Variants in CFAP44 observed in about 807,000 individuals in gnomAD.
The protein encoded by CFAP44 is cilia- and flagella-associated protein 44.
In CFAP44, 134 loss-of-function variants were observed where a neutral mutation model predicts 216.2. That is an observed-to-expected ratio of 0.62 (90% CI 0.54 to 0.72). The LOEUF (loss-of-function observed/expected upper bound fraction) is 0.72. CFAP44 is among the 30% of genes least tolerant of loss of function. The probability of loss-of-function intolerance (pLI) is 0.00; values close to 1 mark genes in which losing one functional copy is unlikely to be tolerated. For synonymous variants in CFAP44, 700 were observed against 727.6 expected, an observed-to-expected ratio of 0.96 and a Z score of 0.61; for missense variants, 2,035 against 2,182.1, an observed-to-expected ratio of 0.93 and a Z score of 1.34.
intron 28 of CFAP44, among the ~76,000 whole-genome samples, chr3:113,325,071 A>C (rs1435025897): frequency 6.6e-6 from 1 of 152,094 alleles, no homozygotes; most frequent in Non-Finnish European, 1.5e-5. Flanking sequence ...TGGGAGGCTG[A>C]AGTGGGCAGA....
intron 5 of CFAP44, 71 bp downstream of exon 5, chr3:113,419,946 T>C: frequency 6.6e-7 from 1 of 1,517,862 alleles, no homozygotes; most frequent in South Asian, 1.3e-5. Flanking sequence ...AACAACCATG[T>C]TGGCTGGTCC....
At chr3:113,359,399 T>C (rs750670295) in intron 21 of CFAP44, among the ~76,000 whole-genome samples, 2 of 152,204 alleles carry the variant, frequency 1.3e-5, no homozygotes, top group Non-Finnish European at 2.9e-5. Flanking sequence ...TGGAAAAATA[T>C]CAGAGCCAAT....
At chr3:113,306,562 G>A (rs1949987638) in intron 29 of CFAP44, among the ~76,000 whole-genome samples, 1 of 152,124 alleles carries the variant, frequency 6.6e-6, no homozygotes, top group Admixed American at 6.5e-5. Flanking sequence ...AGCAGGCTTT[G>A]TGCTAAGCCC....
chr3:113,310,189 T>C (rs1950024913), intron 28 of CFAP44, among the ~76,000 whole-genome samples: 1 of 152,052 alleles, frequency 6.6e-6, no homozygotes, highest in Admixed American at 6.5e-5. Flanking sequence ...CCAAGATGCC[T>C]GTGGAGGCCA....
intron 3 of CFAP44, chr3:113,426,973 A>T (rs1243388040): frequency 1.9e-6 from 1 of 514,594 alleles, no homozygotes; most frequent in Non-Finnish European, 3.3e-6. Flanking sequence ...CAGAAGAATG[A>T]GTATCAGAGT....
At chr3:113,296,988 T>G (rs1576534057) in intron 32 of CFAP44, 103 bp from the exon 33 acceptor site, 1 of 1,336,168 alleles carries the variant, frequency 7.5e-7, no homozygotes, top group East Asian at 2.5e-5. Context: ...TGCAAGATGA[T>G]GAAAGATTTT....
chr3:113,291,812 A>G (rs1485513128), intron 34 of CFAP44, 64 bp from the exon 35 acceptor site: 6 of 1,503,934 alleles, frequency 4.0e-6, no homozygotes, highest in Middle Eastern at 4.7e-4. Context: ...CCATGCCCTT[A>G]TACTGTGTAT....
chr3:113,333,935 T>C (rs1378930686), intron 24 of CFAP44, among the ~76,000 whole-genome samples: 1 of 152,076 alleles, frequency 6.6e-6, no homozygotes, highest in Non-Finnish European at 1.5e-5. Flanking sequence ...GGTTTTTTAA[T>C]GACTAAAAAG....
At chr3:113,305,346 T>C (rs954414352) in intron 30 of CFAP44, among the ~76,000 whole-genome samples, 194 bp from the exon 31 acceptor site, 11 of 152,242 alleles carry the variant, frequency 7.2e-5, no homozygotes, top group Admixed American at 2.0e-4. Flanking sequence ...ATGATCCACA[T>C]CACTCTTCAG....
intron 15 of CFAP44, among the ~76,000 whole-genome samples, chr3:113,384,196 CT>C (rs1443896998): frequency 6.6e-6 from 1 of 151,972 alleles, no homozygotes; most frequent in East Asian, 1.9e-4. Flanking sequence ...GTAGGTGGGA[CT>C]GCAGGTGCCC....
At chr3:113,414,846 G>A (rs2107383546) in intron 6 of CFAP44, among the ~76,000 whole-genome samples, 1 of 152,236 alleles carries the variant, frequency 6.6e-6, no homozygotes, top group Middle Eastern at 3.4e-3. Flanking sequence ...TCTCTTTCCG[G>A]TTTTGGTATC....
In CFAP44 at chr3:113,404,109, T is replaced by C. The variant is rs557037290; in HGVS notation, c.1006-93A>G. 2.8e-4 allele frequency: 376 copies of C among 1,344,726 alleles called. 2 individuals carry two copies. The highest frequency in any genetic ancestry group is 5.8e-4 in the Middle Eastern group (3 of 5,144). The allele number at this position is 1,344,726 out of a possible 1,614,324, so 83.3% of individuals were successfully genotyped here. A position where few individuals can be genotyped will look rare whatever the true frequency, so the allele number is the denominator to read the frequency against. ...AGTAGGTGAAAATTATTTTTTAAGG[T>C]TATCTTTATTGATTATAAAATTTTT... On this transcript the variant is annotated intron_variant, in intron 8 of 34. Transcript: ENST00000393845.
intron 32 of CFAP44, among the ~76,000 whole-genome samples, chr3:113,298,300 C>A (rs913344465): frequency 6.6e-6 from 1 of 152,228 alleles, no homozygotes. Flanking sequence ...TCACTACCCA[C>A]CTTCCCCATG....
chr3:113,399,925 A>G lies in CFAP44; in HGVS notation c.1550T>C (p.Leu517Pro), dbSNP rs758198179. ...ACTTACCATTCGGGGTACCCAAACAAGGGCAGTACCTCCTTGTTTGAATTT... is the reference window on the plus strand; with the variant it reads ...ACTTACCATTCGGGGTACCCAAACAGGGGCAGTACCTCCTTGTTTGAATTT... The part of the protein sequence containing the change: ...QMKFKQGGTA[L>P]VWVPRMVNFT... The change falls in exon 13 of 35, where the codon CTT becomes CCT. Residue 517 changes from leucine (L) to proline (P), a missense_variant. By Grantham distance (98) the Leu-to-Pro change is moderately conservative. Coordinates refer to ENST00000393845, the MANE Select transcript of CFAP44 (RefSeq NM_001164496.2). 4 of 1,592,060 alleles carry G rather than the reference A, an allele frequency of 2.5e-6. No individual in the cohort carries two copies. The highest frequency in any genetic ancestry group is 3.4e-6 in the Non-Finnish European group (4 of 1,171,378).
In CFAP44 at chr3:113,316,588, G is replaced by C. The variant is rs899021027; in HGVS notation, c.4517-8320C>G. On this transcript the variant is annotated intron_variant, in intron 28 of 34. Coordinates refer to ENST00000393845, the MANE Select transcript of CFAP44 (RefSeq NM_001164496.2). ...ACAAGTTACCAATATGAAGAATACA[G>C]CTGGCTGTAGTGGCTCACGCCTGTA... Among the ~76,000 whole-genome samples the C allele has an allele frequency of 3.3e-5, 5 of 152,270 alleles. No individual in the cohort carries two copies. The East Asian group carries it at 9.6e-4, about 29-fold the overall frequency.
At position 113,330,637 on chromosome 3, in the gene CFAP44, C is replaced by A; in HGVS notation, c.3647G>T (p.Cys1216Phe). ...TTTAAGGTCTCTAAGAGAGAGAATG[C>A]ACTTGTTCATGTGCCTTTTATTTCC... ...VHGNKRHMNK[C>F]ILSLRDLKVA... Residue 1216 changes from cysteine to phenylalanine, a missense_variant, in exon 26 of 35, where the codon TGC becomes TTC. Physicochemically the swap from Cys to Phe is radical, Grantham distance 205. This residue lies in a region of CFAP44 where 1,883 missense variants were observed against 2,023.7 expected (regional missense o/e 0.93). Coordinates refer to ENST00000393845, the MANE Select transcript of CFAP44 (RefSeq NM_001164496.2). The A allele has an allele frequency of 1.3e-6, 2 of 1,535,396 alleles. No individual in the cohort carries two copies. Among genetic ancestry groups the A allele is most frequent in the Non-Finnish European group, 1.7e-6 (2 of 1,146,318 alleles).
chr3:113,361,025 T>C, intron 21 of CFAP44: 1 of 290,710 alleles, frequency 3.4e-6, no homozygotes, highest in Non-Finnish European at 7.1e-6. Context: ...TGGGCACATT[T>C]ATTGTTGCAC....
rs200691785 is a variant in CFAP44, at chr3:113,366,049, G to A, written c.2705C>T (p.Pro902Leu). The A allele has an allele frequency of 2.1e-5, 34 of 1,609,796 alleles. No homozygotes were observed. The highest frequency in any genetic ancestry group is 3.3e-4 in the Middle Eastern group (2 of 6,034). Residue 902 changes from proline to leucine, a missense_variant, in exon 19 of 35, where the codon CCA becomes CTA. Physicochemically the swap from Pro to Leu is moderately conservative, Grantham distance 98. Coordinates refer to ENST00000393845, the MANE Select transcript of CFAP44 (RefSeq NM_001164496.2). ...TAATTAATTACATACCCTGGGAGAT[G>A]GAACTTTGGCCTTCATGTCTTTCCT... ...MLRKDMKAKV[P>L]SPRFGIETEP...
chr3:113,344,755 T>C, intron 22 of CFAP44, 43 bp from the exon 23 acceptor site: 2 of 1,426,924 alleles, frequency 1.4e-6, no homozygotes, highest in Non-Finnish European at 1.8e-6. Context: ...ACCATTTTGA[T>C]CATTCTGCAT....
Sources: gnomAD v4.1 joint callset for allele counts (sites outside exome capture counted in the v4.1 genomes callset) on GRCh38, gnomAD v4.1.1 for gene constraint, gnomAD v4.1.1 regional missense constraint, MANE v1.5 for transcripts, NCBI Gene and HGNC (gene_info 2026-07-23, HGNC 2026-07-21) for gene names.